The following FGD5 variants were observed in gnomAD, a reference collection of about 807,000 sequenced individuals.
FGD5 encodes the protein FYVE, RhoGEF and PH domain-containing protein 5.
In FGD5, 28 loss-of-function variants were observed where a neutral mutation model predicts 133.4. The ratio of observed to expected loss-of-function variants is 0.21; its 90% CI spans 0.16 to 0.29. FGD5 has a LOEUF of 0.29. FGD5 is among the 10% of genes least tolerant of loss of function. The pLI is 1.00. For synonymous variants in FGD5, 810 were observed against 776.5 expected (o/e 1.04, Z -0.72); for missense variants, 1,858 against 1,895.2 (o/e 0.98, Z 0.36).
chr3:14,908,454 C>G (rs1430267669), intron 10 of FGD5, among the ~76,000 whole-genome samples: 1 of 152,010 alleles, frequency 6.6e-6, no homozygotes, highest in Non-Finnish European at 1.5e-5. Context: ...ATGGCTTGGA[C>G]CACCCAGAAT....
At chr3:14,868,293 A>G (rs1403740129) in intron 2 of FGD5, among the ~76,000 whole-genome samples, 2 of 147,954 alleles carry the variant, frequency 1.4e-5, no homozygotes, top group African/African-American at 2.5e-5. Flanking sequence ...CCTGAGTCTC[A>G]TGGCCACATT....
At chr3:14,876,323 T>G (rs930069218) in intron 2 of FGD5, among the ~76,000 whole-genome samples, 3 of 152,216 alleles carry the variant, frequency 2.0e-5, no homozygotes, top group Non-Finnish European at 4.4e-5. Context: ...AAACAGTGGT[T>G]CTCAAAACTT....
chr3:14,880,908 C>T, intron 4 of FGD5, 136 bp downstream of exon 4: 1 of 1,147,444 alleles, frequency 8.7e-7, no homozygotes, highest in Admixed American at 2.0e-5. Flanking sequence ...CTCACCGACG[C>T]TTTTCAGGGA....
chr3:14,930,658 T>C (rs2038886790), intron 18 of FGD5: 1 of 152,336 alleles, frequency 6.6e-6, no homozygotes, highest in Non-Finnish European at 1.5e-5. Flanking sequence ...TATAAACTTA[T>C]CAATTTCTAT....
chr3:14,828,391 T>C (rs977551137), intron 1 of FGD5, among the ~76,000 whole-genome samples: 1 of 152,108 alleles, frequency 6.6e-6, no homozygotes, highest in Non-Finnish European at 1.5e-5. Flanking sequence ...CCAATGAAAA[T>C]GTCTTCCTTC....
intron 1 of FGD5, among the ~76,000 whole-genome samples, chr3:14,835,404 G>A (rs1352503282): frequency 6.6e-6 from 1 of 151,934 alleles, no homozygotes; most frequent in Non-Finnish European, 1.5e-5. Context: ...GAAGGCTGAG[G>A]CACAAAAATT....
In FGD5 at chr3:14,820,198, A is replaced by G; in HGVS notation, c.1127A>G (p.Gln376Arg). 6 of 1,612,672 alleles carry G rather than the reference A, an allele frequency of 3.7e-6. No individual in the cohort carries two copies. Among genetic ancestry groups the G allele is most frequent in the Non-Finnish European group, 5.1e-6 (6 of 1,178,916 alleles). The change falls in exon 1 of 20, where the codon CAG becomes CGG. Residue 376 changes from glutamine to arginine, a missense_variant. Physicochemically the swap from Gln to Arg is conservative, Grantham distance 43 (BLOSUM62 1). Transcript: ENST00000285046. ...SESAKGLESE[Q>R]APKLGLRAEE... is the part of the protein sequence containing the mutation. ...TCAGCGAAAGGTTTAGAATCAGAGCAGGCACCAAAGCTGGGGCTGCGTGCG... is the reference window on the plus strand; with the variant it reads ...TCAGCGAAAGGTTTAGAATCAGAGCGGGCACCAAAGCTGGGGCTGCGTGCG...
chr3:14,923,102 G>C lies in FGD5; in HGVS notation c.3864G>C (p.Arg1288Ser), dbSNP rs751524985. 1.2e-6 allele frequency: 2 copies of C among 1,613,944 alleles called. No individual in the cohort carries two copies. The highest frequency in any genetic ancestry group is 2.2e-5 in the East Asian group (1 of 44,868). Reference protein sequence around the residue: ...NKYPLKYLKDRMAKVCDGCFG... With the variant: ...NKYPLKYLKDSMAKVCDGCFG... ...ACCCGCTGAAGTACCTGAAGGACAG[G>C]ATGGCCAAGGTCTGCGACGGCTGCT... The change falls in exon 16 of 20, where the codon AGG becomes AGC. Residue 1288 changes from arginine (R) to serine (S), a missense_variant. By Grantham distance (110) the Arg-to-Ser change is moderately radical. Around this residue, in one of 3 missense-constraint regions of FGD5, gnomAD observed 1,824 missense variants for 1,848.9 expected, o/e 0.99. Coordinates refer to ENST00000285046, the MANE Select transcript of FGD5 (RefSeq NM_152536.4).
At chr3:14,875,823 A>AG (rs2037706747) in intron 2 of FGD5, among the ~76,000 whole-genome samples, 1 of 151,922 alleles carries the variant, frequency 6.6e-6, no homozygotes, top group Non-Finnish European at 1.5e-5. Flanking sequence ...TCTGAGGAGG[A>AG]GGGAGGTCTC....
intron 1 of FGD5, among the ~76,000 whole-genome samples, chr3:14,863,116 C>T (rs529809287): frequency 1.3e-5 from 2 of 152,366 alleles, no homozygotes; most frequent in Non-Finnish European, 2.9e-5. Flanking sequence ...TGCTCCCTTC[C>T]GTCCTGCCAT....
chr3:14,819,081 G>T lies in FGD5; in HGVS notation c.10G>T (p.Gly4Cys), dbSNP rs1442963819. ...TCACAGTCCAAACTCCATGTTCAGG[G>T]GTCCGAAGCCCCCCATTGCCCCCAA... Reference protein sequence around the residue: MFRGPKPPIAPKPR... With the variant: MFRCPKPPIAPKPR... The change falls in exon 1 of 20, where the codon GGT becomes TGT. Residue 4 changes from glycine (G) to cysteine (C), a missense_variant. Coordinates refer to ENST00000285046, the MANE Select transcript of FGD5 (RefSeq NM_152536.4). This position sits in a 1 kb window ranked among gnomAD's most constrained non-coding sequence, Gnocchi z 4.1. 155 of 1,548,160 alleles carry T rather than the reference G, an allele frequency of 1.0e-4. No homozygotes were observed. The highest frequency in any genetic ancestry group is 1.3e-4 in the Non-Finnish European group (152 of 1,146,386).
chr3:14,836,907 G>T (rs1475304679), intron 1 of FGD5, among the ~76,000 whole-genome samples: 1 of 152,226 alleles, frequency 6.6e-6, no homozygotes, highest in Non-Finnish European at 1.5e-5. Flanking sequence ...CTCAAAGGGC[G>T]AGTAAGAATT....
At chr3:14,844,717 A>C (rs1687327) in intron 1 of FGD5, among the ~76,000 whole-genome samples, 1 of 151,932 alleles carries the variant, frequency 6.6e-6, no homozygotes, top group Non-Finnish European at 1.5e-5. Flanking sequence ...TTTCTCATCT[A>C]TGAAATGGAG....
chr3:14,909,006 A>C (rs1227421663), intron 10 of FGD5, among the ~76,000 whole-genome samples: 1 of 150,930 alleles, frequency 6.6e-6, no homozygotes, highest in African/African-American at 2.4e-5. Context: ...GCTGGAGTTT[A>C]GCTCTTGTTG....
chr3:14,930,722 T>G (rs1163642544), intron 18 of FGD5: 1 of 152,260 alleles, frequency 6.6e-6, no homozygotes, highest in African/African-American at 2.4e-5. Context: ...CATTGTAATA[T>G]TGAATCTTTC....
chr3:14,892,134 G>A (rs1170178218), intron 4 of FGD5, among the ~76,000 whole-genome samples: 1 of 152,032 alleles, frequency 6.6e-6, no homozygotes, highest in East Asian at 1.9e-4. Context: ...CCTGGAGGAA[G>A]GGCTGTCCAT....
At chr3:14,869,941 G>GT (rs1487516972) in intron 2 of FGD5, among the ~76,000 whole-genome samples, 1 of 152,232 alleles carries the variant, frequency 6.6e-6, no homozygotes, top group Non-Finnish European at 1.5e-5. Context: ...TTCAGTTCTT[G>GT]TAAGTATATG....
intron 4 of FGD5, among the ~76,000 whole-genome samples, chr3:14,885,959 TTGG>T (rs1358301120): frequency 6.6e-6 from 1 of 152,230 alleles, no homozygotes; most frequent in Non-Finnish European, 1.5e-5. Flanking sequence ...ACATTCTGTG[TTGG>T]TTAGGAATTG....
chr3:14,901,998 C>T (rs1026505072), intron 9 of FGD5, among the ~76,000 whole-genome samples: 4 of 152,008 alleles, frequency 2.6e-5, no homozygotes, highest in African/African-American at 9.7e-5. Context: ...AGAGATGATA[C>T]GGGCCAGGTG....
Sources: allele counts gnomAD v4.1 joint callset (sites outside exome capture counted in the v4.1 genomes callset), GRCh38; gene constraint gnomAD v4.1.1; regional missense constraint gnomAD v4.1.1; non-coding constraint Gnocchi (gnomAD v3.1); transcripts MANE v1.5; gene names NCBI Gene and HGNC (gene_info 2026-07-23, HGNC 2026-07-21).